MVB12B: variants seen among roughly 807,000 people sequenced by gnomAD.
The protein encoded by MVB12B is ESCRT-I complex subunit MVB12B.
Under a neutral mutation model 41.6 loss-of-function variants are expected in MVB12B, and 16 were observed. The observed-to-expected ratio is 0.38, with a 90% CI of 0.26 to 0.58. The LOEUF (loss-of-function observed/expected upper bound fraction) is 0.58. MVB12B is among the 20% of genes least tolerant of loss of function. The pLI is 0.62. For missense variants in MVB12B, 274 were observed against 380.2 expected (o/e 0.72, Z 2.32); for synonymous variants, 133 against 139.7 (o/e 0.95, Z 0.34).
chr9:126,483,476 G>C (rs1833567336), intron 8 of MVB12B, among the ~76,000 whole-genome samples: 1 of 152,154 alleles, frequency 6.6e-6, no homozygotes, highest in Non-Finnish European at 1.5e-5. Flanking sequence ...AATCCCCCCA[G>C]CTCCTACCCT....
chr9:126,465,326 G>A lies in MVB12B; in HGVS notation c.758-16043G>A, dbSNP rs918475776. On this transcript the variant is annotated intron_variant, in intron 7 of 9. Coordinates refer to ENST00000361171, the MANE Select transcript of MVB12B (RefSeq NM_033446.3). ...AACCTAGTTGCACATTAGAATCACC[G>A]GGGAGCTTTGAAACAATGCTGATCC... Among the ~76,000 whole-genome samples the A allele has an allele frequency of 5.3e-5, 8 of 152,196 alleles. No homozygotes were observed. In the South Asian group the frequency reaches 8.3e-4, roughly 16 times the overall value.
chr9:126,398,137 G>C (rs1407340235), intron 6 of MVB12B, among the ~76,000 whole-genome samples: 1 of 151,982 alleles, frequency 6.6e-6, no homozygotes, highest in East Asian at 1.9e-4. Context: ...TCTCAGCGCA[G>C]AGGACTTCTC....
At chr9:126,466,709 G>T (rs1833208345) in intron 7 of MVB12B, among the ~76,000 whole-genome samples, 2 of 152,120 alleles carry the variant, frequency 1.3e-5, no homozygotes, top group Non-Finnish European at 2.9e-5. Context: ...CCCTAGAGAT[G>T]CATACTTTAT....
chr9:126,487,898 G>C (rs920298194), intron 9 of MVB12B, among the ~76,000 whole-genome samples: 21 of 152,180 alleles, frequency 1.4e-4, no homozygotes, highest in African/African-American at 5.1e-4. Context: ...AACAAGTATC[G>C]CTGCAGTGGA....
At chr9:126,438,930 G>T (rs950707049) in intron 7 of MVB12B, among the ~76,000 whole-genome samples, 1 of 152,002 alleles carries the variant, frequency 6.6e-6, no homozygotes, top group South Asian at 2.1e-4. Context: ...TATGATACTC[G>T]ATCGCTGCAA....
rs1833351166 is a variant in MVB12B at position 126,473,155 on chromosome 9, CTGTAGTA to C, written c.758-8212_758-8206del. Among the ~76,000 whole-genome samples, 1 of 152,136 alleles carries C rather than the reference CTGTAGTA, an allele frequency of 6.6e-6. No individual in the cohort carries two copies. The highest frequency in any genetic ancestry group is 2.4e-5 in the African/African-American group (1 of 41,410). ...CCCTCACCACAGCCCGCAGAGGCAG[CTGTAGTA>C]TTATGCCCACCTTACAGACAGGGCA... On this transcript the variant is annotated intron_variant, in intron 7 of 9. Coordinates refer to ENST00000361171, the MANE Select transcript of MVB12B (RefSeq NM_033446.3). The surrounding 1 kb of genome is among the most constrained non-coding windows in gnomAD (Gnocchi z 4.0).
rs567168417 is a variant in MVB12B at position 126,474,354 on chromosome 9, G to A, written c.758-7015G>A. ...GGAAAAAGAAAGGAAGGAAGTAAACGTGGCTCCCCAGGAGAAGCCAGGACG... is the reference window on the plus strand; with the variant it reads ...GGAAAAAGAAAGGAAGGAAGTAAACATGGCTCCCCAGGAGAAGCCAGGACG... On this transcript the variant is annotated intron_variant, in intron 7 of 9. Coordinates refer to ENST00000361171, the MANE Select transcript of MVB12B (RefSeq NM_033446.3). Among the ~76,000 whole-genome samples the A allele has an allele frequency of 3.9e-5, 6 of 152,328 alleles. No homozygotes were observed. In the South Asian group the frequency reaches 8.3e-4, roughly 21 times the overall value.
In MVB12B at chr9:126,493,022, T is replaced by G. The variant is rs1281804602; in HGVS notation, c.873+8990T>G. 3.9e-5 allele frequency among the ~76,000 whole-genome samples: 6 copies of G among 152,196 alleles called. No individual in the cohort carries two copies. In the East Asian group the frequency reaches 7.7e-4, roughly 19 times the overall value. On this transcript the variant is annotated intron_variant, in intron 9 of 9. Coordinates refer to ENST00000361171, the MANE Select transcript of MVB12B (RefSeq NM_033446.3). ...TTTACGTTTTAAAGAGAGCAAACTT[T>G]TCTCTATGAGTTCAAATACACACAC...
intron 7 of MVB12B, among the ~76,000 whole-genome samples, chr9:126,465,128 G>C (rs1460804123): frequency 1.3e-5 from 2 of 152,312 alleles, no homozygotes; most frequent in Non-Finnish European, 2.9e-5. Context: ...ATAGAAATCA[G>C]CTGTCATGTA....
At chr9:126,410,170 TGTGC>T (rs984464226) in intron 6 of MVB12B, among the ~76,000 whole-genome samples, 23 of 146,160 alleles carry the variant, frequency 1.6e-4, no homozygotes, top group East Asian at 8.2e-4. Flanking sequence ...TGTGTGTGTG[TGTGC>T]ACGCATGCAC....
intron 2 of MVB12B, among the ~76,000 whole-genome samples, chr9:126,373,324 T>TC (rs1485239879): frequency 2.6e-5 from 4 of 152,260 alleles, no homozygotes; most frequent in African/African-American, 9.6e-5. Flanking sequence ...TTGGATAGGC[T>TC]CCTTGCCTCT....
intron 9 of MVB12B, among the ~76,000 whole-genome samples, chr9:126,491,277 A>G (rs1319474833): frequency 6.6e-6 from 1 of 152,252 alleles, no homozygotes; most frequent in Non-Finnish European, 1.5e-5. Context: ...TTTGGGACCT[A>G]TGTCCCGCAG....
chr9:126,353,509 A>C (rs1643377120), intron 2 of MVB12B, among the ~76,000 whole-genome samples: 1 of 152,222 alleles, frequency 6.6e-6, no homozygotes, highest in Admixed American at 6.5e-5. Flanking sequence ...AGTGAGGATT[A>C]ATAGCAGGAC....
intron 6 of MVB12B, among the ~76,000 whole-genome samples, chr9:126,418,734 C>T (rs1329541778): frequency 6.6e-6 from 1 of 152,110 alleles, no homozygotes; most frequent in East Asian, 1.9e-4. Context: ...GGTCAGACTC[C>T]CCACGGAGCC....
intron 2 of MVB12B, among the ~76,000 whole-genome samples, chr9:126,371,641 G>A (rs1830341878): frequency 6.6e-6 from 1 of 152,204 alleles, no homozygotes; most frequent in South Asian, 2.1e-4. Flanking sequence ...TAGTCTTTGT[G>A]TGTTTTTCCT....
intron 7 of MVB12B, among the ~76,000 whole-genome samples, chr9:126,437,657 C>T (rs1168637993): frequency 2.0e-5 from 3 of 152,182 alleles, no homozygotes; most frequent in Non-Finnish European, 4.4e-5. Context: ...CCTTATCAGG[C>T]GTTCTTCAGT....
intron 2 of MVB12B, among the ~76,000 whole-genome samples, chr9:126,354,986 G>GTCTAACTTATTTTTTTCCA (rs1829842485): frequency 6.6e-6 from 1 of 152,134 alleles, no homozygotes; most frequent in African/African-American, 2.4e-5. Context: ...ATAAAGTGGA[G>GTCTAACTTATTTTTTTCCA]TCTAACTTAT....
chr9:126,449,994 C>T (rs1218681343), intron 7 of MVB12B, among the ~76,000 whole-genome samples: 2 of 152,226 alleles, frequency 1.3e-5, no homozygotes, highest in African/African-American at 2.4e-5. Context: ...TTTCTCACTC[C>T]TCCACTCTTA....
chr9:126,466,503 G>T (rs564351848), intron 7 of MVB12B, among the ~76,000 whole-genome samples: 12 of 152,242 alleles, frequency 7.9e-5, no homozygotes, highest in Admixed American at 1.3e-4. Context: ...TTGCTAGGGG[G>T]CACACATACG....
Sources: gnomAD v4.1 joint callset for allele counts (sites outside exome capture counted in the v4.1 genomes callset) on GRCh38, gnomAD v4.1.1 for gene constraint, Gnocchi (gnomAD v3.1) non-coding constraint, MANE v1.5 for transcripts, NCBI Gene and HGNC (gene_info 2026-07-23, HGNC 2026-07-21) for gene names.